Variants in FRAS1 observed in about 807,000 individuals in gnomAD.
The protein encoded by FRAS1 is Fraser extracellular matrix complex subunit 1.
FRAS1 carries 290 observed loss-of-function variants against 435.2 expected under a neutral mutation model. The ratio of observed to expected loss-of-function variants is 0.67; its 90% CI spans 0.61 to 0.73. The LOEUF is 0.73. Ranked by LOEUF, FRAS1 falls within the 30% of genes least tolerant of loss-of-function variation. FRAS1 has a pLI of 0.00. For missense variants in FRAS1, 4,860 were observed against 5,001.5 expected (o/e 0.97, Z 0.85); for synonymous variants, 1,800 against 1,851.0 (o/e 0.97, Z 0.71).
Position 78,407,799 on chromosome 4 carries a change from G to T in FRAS1, c.4266G>T (p.Arg1422Ser). 5.6e-6 allele frequency: 9 copies of T among 1,612,684 alleles called. No individual in the cohort carries two copies. Among genetic ancestry groups the T allele is most frequent in the Non-Finnish European group, 7.6e-6 (9 of 1,179,212 alleles). The part of the protein sequence containing the change: ...QDINEGIVWY[R>S]HSGAPAQSDS... The stretch of plus-strand genomic sequence containing the variant: ...TCAATGAAGGCATCGTATGGTACAG[G>T]CACTCAGGAGCCCCAGCCCAGAGCG... Residue 1422 changes from arginine (R) to serine (S), a missense_variant, in exon 31 of 74, where the codon AGG (arginine) becomes AGT (serine). Arg to Ser is a moderately radical substitution (Grantham distance 110). Coordinates refer to ENST00000512123, the MANE Select transcript of FRAS1 (RefSeq NM_025074.7).
At chr4:78,225,281 T>C (rs62309971) in intron 2 of FRAS1, among the ~76,000 whole-genome samples, 13,147 of 152,232 alleles carry the variant, frequency 0.086, 617 homozygotes, top group Admixed American at 0.097. Context: ...ACCTTGCTTA[T>C]GGTTCTGGAA....
At chr4:78,141,132 G>A (rs934824745) in intron 2 of FRAS1, among the ~76,000 whole-genome samples, 5 of 152,012 alleles carry the variant, frequency 3.3e-5, no homozygotes, top group Admixed American at 6.6e-5. Flanking sequence ...TGCCATGGTG[G>A]TTTGCTGCAC....
At chr4:78,370,909 T>A (rs1731476831) in intron 23 of FRAS1, among the ~76,000 whole-genome samples, 1 of 152,130 alleles carries the variant, frequency 6.6e-6, no homozygotes, top group Admixed American at 6.5e-5. Flanking sequence ...TTTCTCTCTA[T>A]CCCTCTGATT....
intron 47 of FRAS1, among the ~76,000 whole-genome samples, chr4:78,453,420 G>A (rs1277975748): frequency 6.6e-6 from 1 of 152,156 alleles, no homozygotes; most frequent in Non-Finnish European, 1.5e-5. Context: ...TTGAATGAAG[G>A]ATGGAAGAAA....
intron 41 of FRAS1, among the ~76,000 whole-genome samples, chr4:78,444,888 G>T (rs956637603): frequency 1.3e-5 from 2 of 152,176 alleles, no homozygotes; most frequent in East Asian, 1.9e-4. Context: ...TGGTACCTGA[G>T]CTCTGAATGG....
In FRAS1 at chr4:78,271,246, T is replaced by A. The variant is rs1726662253; in HGVS notation, c.981+3814T>A. 2.7e-5 allele frequency among the ~76,000 whole-genome samples: 4 copies of A among 149,742 alleles called. No homozygotes were observed. In the South Asian group the frequency reaches 8.6e-4, roughly 32 times the overall value. On this transcript the variant is annotated intron_variant, in intron 9 of 73. Transcript: ENST00000512123. ...AATATAATACAGGCCCCAAATTAAA[T>A]ATTAAATATTTAGAGAAACATTACC...
At chr4:78,440,055 G>C (rs1340056107) in intron 40 of FRAS1, among the ~76,000 whole-genome samples, 1 of 123,778 alleles carries the variant, frequency 8.1e-6, no homozygotes, top group Non-Finnish European at 1.6e-5. Context: ...ACGGAGTCTC[G>C]CTCTGTCGCC....
At chr4:78,438,263 G>A (rs1029314011) in intron 38 of FRAS1, among the ~76,000 whole-genome samples, 26 of 152,118 alleles carry the variant, frequency 1.7e-4, no homozygotes, top group Non-Finnish European at 2.2e-4. Context: ...ATGAAATCTT[G>A]TATGGCTTTT....
At chr4:78,366,802 G>A (rs771404292) in intron 22 of FRAS1, among the ~76,000 whole-genome samples, 8 of 152,258 alleles carry the variant, frequency 5.3e-5, no homozygotes, top group East Asian at 3.9e-4. Context: ...AGATGTCTGC[G>A]TCAGTACTAG....
intron 19 of FRAS1, among the ~76,000 whole-genome samples, 159 bp downstream of exon 19, chr4:78,333,571 A>T (rs1469316207): frequency 3.3e-5 from 5 of 152,222 alleles, no homozygotes; most frequent in Non-Finnish European, 7.3e-5. Flanking sequence ...AGGGAGGGGA[A>T]CAAGTGAAAT....
chr4:78,365,418 T>C (rs1731223335), intron 22 of FRAS1, among the ~76,000 whole-genome samples: 1 of 152,104 alleles, frequency 6.6e-6, no homozygotes, highest in African/African-American at 2.4e-5. Flanking sequence ...AGAGTGCTGG[T>C]GGAGAAATAG....
In FRAS1 at chr4:78,445,672, C is replaced by T. The variant is rs1718795736; in HGVS notation, c.5816C>T (p.Thr1939Ile). ...TTTAGTTTTTATGTGAGTGATGGAA[C>T]CAGTCGTTCAGAAATTCACAGCATC... ...DIFSFYVSDG[T>I]SRSEIHSINI... Residue 1939 changes from threonine to isoleucine, a missense_variant, in exon 42 of 74, where the codon ACC (threonine) becomes ATC (isoleucine). By Grantham distance (89) the Thr-to-Ile change is moderately conservative. Coordinates refer to ENST00000512123, the MANE Select transcript of FRAS1 (RefSeq NM_025074.7). The T allele has an allele frequency of 2.5e-6, 4 of 1,613,818 alleles. No homozygotes were observed. Among genetic ancestry groups the T allele is most frequent in the Non-Finnish European group, 3.4e-6 (4 of 1,179,808 alleles).
At chr4:78,219,538 T>G (rs1560587290) in intron 2 of FRAS1, among the ~76,000 whole-genome samples, 1 of 152,182 alleles carries the variant, frequency 6.6e-6, no homozygotes, top group Non-Finnish European at 1.5e-5. Context: ...AAGTGTATTT[T>G]AAAAAAGCTT....
chr4:78,300,652 G>T (rs1210170322), intron 14 of FRAS1, among the ~76,000 whole-genome samples: 1 of 152,062 alleles, frequency 6.6e-6, no homozygotes, highest in African/African-American at 2.4e-5. Context: ...TGTCTTGCAT[G>T]AGCTCATTTA....
chr4:78,446,983 G>A, intron 43 of FRAS1, 103 bp downstream of exon 43: 1 of 1,132,408 alleles, frequency 8.8e-7, no homozygotes, highest in Non-Finnish European at 1.2e-6. Flanking sequence ...CTTGTATATG[G>A]TACATTCTTT....
rs1375196374 is a variant in FRAS1, at chr4:78,124,566, AC to A, written c.108+58552del. 2.6e-5 allele frequency among the ~76,000 whole-genome samples: 4 copies of A among 152,108 alleles called. No homozygotes were observed. The East Asian group carries it at 7.7e-4, about 29-fold the overall frequency. The stretch of plus-strand genomic sequence containing the variant: ...AGGAATGGTACTAGCTCCTCTTTGT[AC>A]CTTTGGTAGAATTAGGCTGTGAATC... On this transcript the variant is annotated intron_variant, in intron 2 of 73. Coordinates refer to ENST00000512123, the MANE Select transcript of FRAS1 (RefSeq NM_025074.7).
chr4:78,119,316 C>G (rs995382517), intron 2 of FRAS1, among the ~76,000 whole-genome samples: 1 of 152,082 alleles, frequency 6.6e-6, no homozygotes, highest in Non-Finnish European at 1.5e-5. Flanking sequence ...TATCCTTTAA[C>G]AAATCTCTCC....
At chr4:78,519,290 A>G (rs202185237) in intron 66 of FRAS1, 41 bp from the exon 67 acceptor site, 1 of 1,458,490 alleles carries the variant, frequency 6.9e-7, no homozygotes, top group East Asian at 2.6e-5. Flanking sequence ...TTTTCATCCC[A>G]GGGGAGAAAT....
intron 18 of FRAS1, among the ~76,000 whole-genome samples, chr4:78,329,559 G>C (rs770258185): frequency 6.6e-6 from 1 of 152,218 alleles, no homozygotes; most frequent in African/African-American, 2.4e-5. Context: ...ACAAGGCATC[G>C]ATCAGAAATT....
Sources: allele counts gnomAD v4.1 joint callset (sites outside exome capture counted in the v4.1 genomes callset), GRCh38; gene constraint gnomAD v4.1.1; transcripts MANE v1.5; gene names NCBI Gene and HGNC (gene_info 2026-07-23, HGNC 2026-07-21).